E2F3: variants seen among roughly 807,000 people sequenced by gnomAD.
E2F3 encodes the protein E2F transcription factor 3.
Under a neutral mutation model 44.4 loss-of-function variants are expected in E2F3, and 11 were observed. The observed-to-expected ratio is 0.25, with a 90% CI of 0.16 to 0.41. E2F3 has a LOEUF of 0.41. Among genes scored for constraint, E2F3 ranks in the 10% least tolerant of loss-of-function variants. E2F3 has a pLI of 1.00. For synonymous variants in E2F3, 249 were observed against 253.0 expected, an observed-to-expected ratio of 0.98 and a Z score of 0.15; for missense variants, 487 against 583.6, an observed-to-expected ratio of 0.83 and a Z score of 1.70.
chr6:20,424,969 C>A (rs1414202481), intron 1 of E2F3, among the ~76,000 whole-genome samples: 1 of 152,130 alleles, frequency 6.6e-6, no homozygotes, highest in Non-Finnish European at 1.5e-5. Flanking sequence ...TCTCACATGA[C>A]GAGGGCAGGC....
chr6:20,461,789 C>T (rs902972508), intron 1 of E2F3, among the ~76,000 whole-genome samples: 14 of 152,210 alleles, frequency 9.2e-5, no homozygotes, highest in African/African-American at 2.6e-4. Flanking sequence ...TGTGCATATG[C>T]GCAAGAGTTT....
chr6:20,455,729 G>A (rs1761289392), intron 1 of E2F3, among the ~76,000 whole-genome samples: 1 of 152,190 alleles, frequency 6.6e-6, no homozygotes, highest in Non-Finnish European at 1.5e-5. Flanking sequence ...GGGCAAGGGT[G>A]TCCCAAAAGC....
chr6:20,436,474 C>T (rs1363568176), intron 1 of E2F3, among the ~76,000 whole-genome samples: 15 of 131,438 alleles, frequency 1.1e-4, no homozygotes, highest in African/African-American at 4.3e-4. Flanking sequence ...CACACACACA[C>T]ACACAGAGAG....
intron 1 of E2F3, among the ~76,000 whole-genome samples, chr6:20,471,649 GT>G (rs1413145809): frequency 2.0e-5 from 3 of 152,196 alleles, no homozygotes; most frequent in African/African-American, 4.8e-5. Flanking sequence ...AGGCTGTGCT[GT>G]TTTTAATAGA....
In E2F3 at chr6:20,402,797, G is replaced by A. The variant is rs1406866974; in HGVS notation, c.393+172G>A. On this transcript the variant is annotated intron_variant, in intron 1 of 6. Transcript: ENST00000346618. The surrounding 1 kb of genome is among the most constrained non-coding windows in gnomAD (Gnocchi z 5.6). ...TTGTTAGACCTGAGTGCTCTTCCCG[G>A]CGCCAGGAGGGTCGGGGGGCTCGGC... Among the ~76,000 whole-genome samples, 1 of 152,106 alleles carries A rather than the reference G, an allele frequency of 6.6e-6. No homozygotes were observed. The highest frequency in any genetic ancestry group is 2.1e-4 in the South Asian group (1 of 4,832).
chr6:20,402,223 G>A lies in E2F3; in HGVS notation c.-10G>A, dbSNP rs1759325376. 3.8e-6 allele frequency: 6 copies of A among 1,582,468 alleles called. No individual in the cohort carries two copies. Among genetic ancestry groups the A allele is most frequent in the Non-Finnish European group, 4.3e-6 (5 of 1,171,164 alleles). On this transcript the variant is annotated 5_prime_UTR_variant, in exon 1 of 7. Transcript: ENST00000346618. The surrounding 1 kb of genome is among the most constrained non-coding windows in gnomAD (Gnocchi z 5.6). ...ATATACCATAACACTAAAAAGAGCA[G>A]GAGCGAGAGATGAGAAAGGGAATCC...
rs1419878130 is a variant in E2F3, at chr6:20,402,937, C to T, written c.393+312C>T. Among the ~76,000 whole-genome samples the T allele has an allele frequency of 1.3e-5, 2 of 152,180 alleles. No homozygotes were observed. The highest frequency in any genetic ancestry group is 2.4e-5 in the African/African-American group (1 of 41,436). On this transcript the variant is annotated intron_variant, in intron 1 of 6. Transcript: ENST00000346618. This position sits in a 1 kb window ranked among gnomAD's most constrained non-coding sequence, Gnocchi z 5.6. ...TTTCCCTACCCCCACTCTCCCTTCCCCTCCAACTCGAAGCTTCCTCTTTCT... is the reference window on the plus strand; with the variant it reads ...TTTCCCTACCCCCACTCTCCCTTCCTCTCCAACTCGAAGCTTCCTCTTTCT...
At chr6:20,466,492 C>G (rs1320574682) in intron 1 of E2F3, among the ~76,000 whole-genome samples, 3 of 152,184 alleles carry the variant, frequency 2.0e-5, no homozygotes, top group African/African-American at 7.2e-5. Flanking sequence ...TTGCATTTCC[C>G]TGATCATTAG....
intron 1 of E2F3, among the ~76,000 whole-genome samples, chr6:20,435,313 A>G (rs911039349): frequency 2.6e-5 from 4 of 152,194 alleles, no homozygotes; most frequent in Non-Finnish European, 4.4e-5. Flanking sequence ...TTAATAGACA[A>G]TGCAGAATAT....
chr6:20,443,027 G>A (rs570057447), intron 1 of E2F3, among the ~76,000 whole-genome samples: 7 of 151,950 alleles, frequency 4.6e-5, no homozygotes, highest in African/African-American at 9.6e-5. Flanking sequence ...TTTGTGTAAC[G>A]CAGGTGGCTC....
chr6:20,457,348 C>CTTTTTTTT (rs60238519), intron 1 of E2F3, among the ~76,000 whole-genome samples: 5 of 109,474 alleles, frequency 4.6e-5, no homozygotes, highest in Non-Finnish European at 6.9e-5. Context: ...CTTATTTTTT[C>CTTTTTTTT]TTTTTTTTTT....
At chr6:20,445,856 T>A (rs968874431) in intron 1 of E2F3, among the ~76,000 whole-genome samples, 1 of 152,256 alleles carries the variant, frequency 6.6e-6, no homozygotes, top group Admixed American at 6.5e-5. Context: ...GTAAGATGAT[T>A]ATTTAATCAG....
chr6:20,474,261 T>G (rs1317152628), intron 1 of E2F3, among the ~76,000 whole-genome samples: 2 of 152,164 alleles, frequency 1.3e-5, no homozygotes, highest in Non-Finnish European at 2.9e-5. Context: ...TTTTCCTACA[T>G]AGATTTTCAG....
chr6:20,436,765 G>T (rs1361979183), intron 1 of E2F3, among the ~76,000 whole-genome samples: 1 of 152,176 alleles, frequency 6.6e-6, no homozygotes, highest in African/African-American at 2.4e-5. Flanking sequence ...TTCTAATATG[G>T]ACTTCTACTA....
At chr6:20,445,247 C>CT (rs397791188) in intron 1 of E2F3, 34,381 of 589,832 alleles carry the variant, frequency 0.058, 343 homozygotes, top group African/African-American at 0.13. Context: ...TATTTTCTCC[C>CT]TTTTTTTTTT....
chr6:20,471,438 C>T (rs927203886), intron 1 of E2F3, among the ~76,000 whole-genome samples: 8 of 152,004 alleles, frequency 5.3e-5, no homozygotes, highest in South Asian at 2.1e-4. Context: ...CAAAATTAGC[C>T]GGGTGTGGTG....
chr6:20,462,523 T>C (rs1199518031), intron 1 of E2F3, among the ~76,000 whole-genome samples: 4 of 151,698 alleles, frequency 2.6e-5, no homozygotes, highest in African/African-American at 9.7e-5. Flanking sequence ...AGTGGCGTGA[T>C]CTTGGCTCAC....
chr6:20,442,150 G>A (rs949949200), intron 1 of E2F3, among the ~76,000 whole-genome samples: 1 of 152,106 alleles, frequency 6.6e-6, no homozygotes, highest in African/African-American at 2.4e-5. Flanking sequence ...TGACCTGGTT[G>A]GACATGCATG....
chr6:20,480,681 T>C (rs1410837962), intron 2 of E2F3, among the ~76,000 whole-genome samples: 1 of 152,210 alleles, frequency 6.6e-6, no homozygotes, highest in Non-Finnish European at 1.5e-5. Flanking sequence ...TTCCAGGTAA[T>C]TATTTATCAA....
Sources: gnomAD v4.1 joint callset for allele counts (sites outside exome capture counted in the v4.1 genomes callset) on GRCh38, gnomAD v4.1.1 for gene constraint, Gnocchi (gnomAD v3.1) non-coding constraint, MANE v1.5 for transcripts, NCBI Gene and HGNC (gene_info 2026-07-23, HGNC 2026-07-21) for gene names.